The following SPOP variants were observed in gnomAD, a reference collection of about 807,000 sequenced individuals.
The protein encoded by SPOP is speckle type BTB/POZ protein.
A neutral mutation model predicts 45.6 loss-of-function variants in SPOP; 11 were observed. That is an observed-to-expected ratio of 0.24 (90% CI 0.15 to 0.40). The LOEUF (loss-of-function observed/expected upper bound fraction) is 0.40. Among genes scored for constraint, SPOP ranks in the 10% least tolerant of loss-of-function variants. SPOP has a pLI of 1.00. For missense variants in SPOP, 152 were observed against 465.6 expected (o/e 0.33, Z 6.20); for synonymous variants, 166 against 166.3 (o/e 1.00, Z 0.01).
chr17:49,648,599 T>C (rs777752771), intron 1 of SPOP, among the ~76,000 whole-genome samples: 2 of 152,194 alleles, frequency 1.3e-5, no homozygotes, highest in Admixed American at 6.5e-5. Context: ...GTGGGTGCAC[T>C]TAGAATAATC....
intron 3 of SPOP, among the ~76,000 whole-genome samples, chr17:49,620,134 C>A (rs951655737): frequency 6.6e-6 from 1 of 151,266 alleles, no homozygotes; most frequent in Non-Finnish European, 1.5e-5. Flanking sequence ...CACACCACTA[C>A]GCTCCAGCCT....
At chr17:49,637,971 G>A (rs80318215) in intron 1 of SPOP, among the ~76,000 whole-genome samples, 1 of 152,126 alleles carries the variant, frequency 6.6e-6, no homozygotes, top group Non-Finnish European at 1.5e-5. Flanking sequence ...AGCCTCCTGA[G>A]TAGCTGGCAC....
At chr17:49,615,231 G>A (rs1173563892) in intron 5 of SPOP, among the ~76,000 whole-genome samples, 2 of 152,014 alleles carry the variant, frequency 1.3e-5, no homozygotes, top group African/African-American at 2.4e-5. Flanking sequence ...ATTAGTGTCT[G>A]GATATTTCAC....
intron 5 of SPOP, chr17:49,612,988 T>C (rs910530389): frequency 6.6e-6 from 1 of 152,236 alleles, no homozygotes; most frequent in African/African-American, 2.4e-5. Context: ...AATTTATTCA[T>C]TTGTTTAAAA....
intron 1 of SPOP, among the ~76,000 whole-genome samples, chr17:49,638,635 T>C (rs1283772718): frequency 3.3e-5 from 5 of 152,158 alleles, no homozygotes; most frequent in Non-Finnish European, 7.4e-5. Flanking sequence ...CAACTTTAAC[T>C]AGTACATGGT....
chr17:49,666,083 G>C (rs553957712), intron 1 of SPOP, among the ~76,000 whole-genome samples: 1 of 151,762 alleles, frequency 6.6e-6, no homozygotes, highest in South Asian at 2.1e-4. Context: ...AAAGCTATGA[G>C]AATTAAGGCA....
chr17:49,614,893 C>A (rs1265895746), intron 5 of SPOP, among the ~76,000 whole-genome samples: 1 of 151,840 alleles, frequency 6.6e-6, no homozygotes, highest in African/African-American at 2.4e-5. Flanking sequence ...CCCTCTGTTG[C>A]CCAGGCTGGA....
chr17:49,673,868 C>T (rs1431780283), intron 1 of SPOP, among the ~76,000 whole-genome samples: 2 of 151,976 alleles, frequency 1.3e-5, no homozygotes, highest in Non-Finnish European at 1.5e-5. Context: ...ATCTTTGGGC[C>T]GGGCGTGGTG....
chr17:49,632,486 T>A (rs989296677), intron 1 of SPOP, among the ~76,000 whole-genome samples: 1 of 151,898 alleles, frequency 6.6e-6, no homozygotes, highest in Admixed American at 6.6e-5. Flanking sequence ...TATTTCAAGT[T>A]AAATTCTTCT....
intron 5 of SPOP, among the ~76,000 whole-genome samples, chr17:49,612,492 A>C (rs2071994896): frequency 6.6e-6 from 1 of 152,252 alleles, no homozygotes; most frequent in Non-Finnish European, 1.5e-5. Flanking sequence ...AGGTTTATAA[A>C]GGAATCCCAA....
Position 49,619,318 on chromosome 17 carries a change from G to A in SPOP, c.268C>T (p.Leu90=), listed in dbSNP as rs2143271751. The change falls in exon 4 of 10, where the codon CTG becomes TTG. Residue 90 remains leucine, a synonymous_variant. Transcript: ENST00000504102. The surrounding 1 kb of genome is among the most constrained non-coding windows in gnomAD (Gnocchi z 4.9). ...ACTTCACTCTTTGGACAGCTGACCA[G>A]TAACAGGTAAAGTGACAGGTAATCT... ...SKDYLSLYLL[L]VSCPKSEVRA... The A allele has an allele frequency of 6.2e-7, 1 of 1,614,132 alleles. No homozygotes were observed.
intron 2 of SPOP, 51 bp from the exon 3 acceptor site, chr17:49,622,118 A>G: frequency 6.3e-7 from 1 of 1,599,112 alleles, no homozygotes; most frequent in Non-Finnish European, 8.5e-7. Context: ...ACAACCTGAA[A>G]AAACAGGATG....
chr17:49,666,527 A>C (rs1000935557), intron 1 of SPOP, among the ~76,000 whole-genome samples: 21 of 151,870 alleles, frequency 1.4e-4, no homozygotes, highest in African/African-American at 5.1e-4. Context: ...ATCTGATTGC[A>C]TGAAAATCTA....
chr17:49,655,303 A>C (rs2072892781), intron 1 of SPOP, among the ~76,000 whole-genome samples: 1 of 152,160 alleles, frequency 6.6e-6, no homozygotes, highest in African/African-American at 2.4e-5. Context: ...CGAGGTCAGG[A>C]GATCGAGACC....
intron 1 of SPOP, among the ~76,000 whole-genome samples, chr17:49,649,353 A>C (rs953702827): frequency 4.6e-5 from 7 of 151,380 alleles, no homozygotes; most frequent in African/African-American, 1.7e-4. Context: ...CCTGGCCGCC[A>C]TGGTGAAACC....
intron 1 of SPOP, among the ~76,000 whole-genome samples, chr17:49,670,900 A>G (rs989456750): frequency 2.6e-5 from 4 of 152,238 alleles, no homozygotes; most frequent in East Asian, 1.9e-4. Flanking sequence ...ATAATCTTAC[A>G]TAACACTGTG....
At chr17:49,667,399 G>A (rs536496262) in intron 1 of SPOP, among the ~76,000 whole-genome samples, 112 of 151,348 alleles carry the variant, frequency 7.4e-4, no homozygotes, top group African/African-American at 2.6e-3. Flanking sequence ...AGACCAGCCC[G>A]GTCAACATGG....
At chr17:49,658,260 C>T (rs900985239) in intron 1 of SPOP, among the ~76,000 whole-genome samples, 19 of 152,172 alleles carry the variant, frequency 1.2e-4, no homozygotes, top group Admixed American at 1.2e-3. Context: ...GTTCAGAAAA[C>T]GTTAACTGTA....
rs1366759506 is a variant in SPOP at position 49,627,581 on chromosome 17, G to C, written c.-66-4705C>G. The stretch of plus-strand genomic sequence containing the variant: ...CTGAGTAATCCTAAAATACCAATTT[G>C]AACTTATTTTGAGGTTAAAAAAACT... On this transcript the variant is annotated intron_variant, in intron 1 of 9. Coordinates refer to ENST00000504102, the MANE Select transcript of SPOP (RefSeq NM_001007228.2). Among the ~76,000 whole-genome samples, 3 of 152,058 alleles carry C rather than the reference G, an allele frequency of 2.0e-5. No individual in the cohort carries two copies. The East Asian group carries it at 5.8e-4, about 29-fold the overall frequency.
Sources: gnomAD v4.1 joint callset for allele counts (sites outside exome capture counted in the v4.1 genomes callset) on GRCh38, gnomAD v4.1.1 for gene constraint, Gnocchi (gnomAD v3.1) non-coding constraint, MANE v1.5 for transcripts, NCBI Gene and HGNC (gene_info 2026-07-23, HGNC 2026-07-21) for gene names.